Variants in PHF6 observed in about 807,000 individuals in gnomAD.
PHF6 encodes PHD finger protein 6.
PHF6 carries 7 observed loss-of-function variants against 34.0 expected under a neutral mutation model. The observed-to-expected ratio is 0.21, with a 90% CI of 0.12 to 0.39. PHF6 has a LOEUF of 0.39. Among genes scored for constraint, PHF6 ranks in the 10% least tolerant of loss-of-function variants. The pLI is 1.00. For missense variants in PHF6, 128 were observed against 262.8 expected (o/e 0.49, Z 3.55); for synonymous variants, 89 against 88.4 (o/e 1.01, Z -0.04).
intron 5 of PHF6, among the ~76,000 whole-genome samples, chrX:134,411,882 G>A (rs146978471): frequency 0.032 from 3,492 of 110,804 alleles, 147 homozygotes; most frequent in African/African-American, 0.11. Context: ...ACAGGTGTGC[G>A]CCACCACACC....
At chrX:134,414,978 A>T (rs749044060) in intron 7 of PHF6, 38 bp from the exon 8 acceptor site, 1 of 1,072,496 alleles carries the variant, frequency 9.3e-7, no homozygotes, top group Non-Finnish European at 1.3e-6. Context: ...TCTCATAAGG[A>T]TTCTGAATGT....
Position 134,413,609 on chromosome X carries a change from C to G in PHF6, c.537C>G (p.Thr179=), listed in dbSNP as rs776473521. 3.1e-5 allele frequency: 38 copies of G among 1,209,241 alleles called. No individual in the cohort carries two copies. Among genetic ancestry groups the G allele is most frequent in the Non-Finnish European group, 4.0e-5 (36 of 894,852 alleles). The change falls in exon 6 of 11, where the codon ACC becomes ACG. Residue 179 remains threonine (T), a synonymous_variant. Coordinates refer to ENST00000370803, the MANE Select transcript of PHF6 (RefSeq NM_001015877.2). The part of the protein sequence containing the change: ...KTNFKGLSED[T]RSTSSHGTDE... ...ATTTTAAAGGGCTGTCAGAAGATAC[C>G]AGGTCCACATCCTCCCATGGAACAG...
chrX:134,422,715 G>A (rs1158435315), intron 9 of PHF6, among the ~76,000 whole-genome samples: 11 of 110,932 alleles, frequency 9.9e-5, no homozygotes, highest in Admixed American at 7.7e-4. Context: ...TTTCAATATG[G>A]ATTTTTTTAA....
chrX:134,390,403 T>C (rs1165832437), intron 3 of PHF6, among the ~76,000 whole-genome samples: 2 of 112,174 alleles, frequency 1.8e-5, no homozygotes, highest in Non-Finnish European at 3.8e-5. Context: ...AAACTGACTA[T>C]AAAAATAAAG....
At chrX:134,390,047 A>T (rs1016726420) in intron 3 of PHF6, among the ~76,000 whole-genome samples, 3 of 111,795 alleles carry the variant, frequency 2.7e-5, no homozygotes, top group Non-Finnish European at 5.6e-5. Context: ...GTAAAATGAT[A>T]AGAGCCAAAA....
In PHF6 at chrX:134,394,086, A is replaced by C. The variant is rs6529627; in HGVS notation, c.418+134A>C. 0.26 allele frequency: 162,263 copies of C among 619,990 alleles called. 17,970 individuals carry two copies. The highest frequency in any genetic ancestry group is 0.62 in the East Asian group (17,251 of 27,995). 51.1% of individuals were successfully genotyped at this position (619,990 alleles called of 1,213,427 possible). ...TTCAGTACATTTAGAAGAATTGAGA[A>C]AAGTGTTAGGATAAACTAATGTGCA... On this transcript the variant is annotated intron_variant, in intron 5 of 10. Transcript: ENST00000370803.
chrX:134,387,972 ACCT>A (rs750617845), intron 3 of PHF6, among the ~76,000 whole-genome samples: 5 of 111,407 alleles, frequency 4.5e-5, no homozygotes, highest in Admixed American at 1.9e-4. Context: ...TTCTTATGAG[ACCT>A]CCTTCAAAAT....
chrX:134,393,734 A>G lies in PHF6; in HGVS notation c.374+100A>G, dbSNP rs1405267937. 19 of 865,961 alleles carry G rather than the reference A, an allele frequency of 2.2e-5. No homozygotes were observed. In the East Asian group the frequency reaches 3.1e-4, roughly 14 times the overall value. The allele number at this position is 865,961 out of a possible 1,213,427, so 71.4% of individuals were successfully genotyped here. A position where few individuals can be genotyped will look rare whatever the true frequency, so the allele number is the denominator to read the frequency against. The stretch of plus-strand genomic sequence containing the variant: ...CATTTCAAAGCATTTCATCATCATC[A>G]TAAAGGGTGTTTTTGATAAGAAATT... On this transcript the variant is annotated intron_variant, in intron 4 of 10. Transcript: ENST00000370803.
intron 9 of PHF6, among the ~76,000 whole-genome samples, chrX:134,422,666 A>G (rs1352040911): frequency 8.9e-6 from 1 of 111,783 alleles, no homozygotes; most frequent in Admixed American, 9.5e-5. Flanking sequence ...TTTTATTTAT[A>G]TTTATCCTGT....
At chrX:134,381,302 T>C (rs2077306296) in intron 3 of PHF6, among the ~76,000 whole-genome samples, 1 of 111,671 alleles carries the variant, frequency 9.0e-6, no homozygotes, top group South Asian at 3.7e-4. Context: ...TCTTTCATTA[T>C]ATCATTTTTA....
chrX:134,379,915 A>G (rs2077299126), intron 3 of PHF6, among the ~76,000 whole-genome samples: 1 of 111,788 alleles, frequency 8.9e-6, no homozygotes. Flanking sequence ...TGTAAACCTT[A>G]TTACCCCTTT....
intron 5 of PHF6, among the ~76,000 whole-genome samples, chrX:134,404,677 C>G (rs1213161881): frequency 9.0e-6 from 1 of 111,512 alleles, no homozygotes; most frequent in African/African-American, 3.3e-5. Context: ...CGGCAAACTT[C>G]AGTGTTGTCT....
At position 134,426,161 on chromosome X, in the gene PHF6, G is replaced by A. The variant is rs778237077; in HGVS notation, c.*501G>A. 23 of 157,856 alleles carry A rather than the reference G, an allele frequency of 1.5e-4. No homozygotes were observed. Among genetic ancestry groups the A allele is most frequent in the Non-Finnish European group, 2.6e-4 (21 of 81,037 alleles). The allele number at this position is 157,856 out of a possible 1,213,427, so 13.0% of individuals were successfully genotyped here. Reference sequence around the variant, plus strand: ...CCTTCTTTTTCTCTTGACTTTGACAGCACATGCTAAAAATCTCTTCCAAGA... The same window carrying A: ...CCTTCTTTTTCTCTTGACTTTGACAACACATGCTAAAAATCTCTTCCAAGA... On this transcript the variant is annotated 3_prime_UTR_variant, in exon 11 of 11. Transcript: ENST00000370803.
chrX:134,393,967 C>G lies in PHF6; in HGVS notation c.418+15C>G. On this transcript the variant is annotated intron_variant, in intron 5 of 10. Coordinates refer to ENST00000370803, the MANE Select transcript of PHF6 (RefSeq NM_001015877.2). ...TAACTCCGAAGGTACATCATTTAGCCACGTTTCAGCCACTTTTCAGTTTCA... is the reference window on the plus strand; with the variant it reads ...TAACTCCGAAGGTACATCATTTAGCGACGTTTCAGCCACTTTTCAGTTTCA... 8.3e-7 allele frequency: 1 copy of G among 1,205,090 alleles called. No individual in the cohort carries two copies. Among genetic ancestry groups the G allele is most frequent in the Non-Finnish European group, 1.1e-6 (1 of 889,800 alleles).
chrX:134,419,582 CTTATTTA>C (rs1052343205), intron 9 of PHF6: 1 of 111,122 alleles, frequency 9.0e-6, no homozygotes, highest in Non-Finnish European at 1.9e-5. Flanking sequence ...CAGCAAATAA[CTTATTTA>C]TTATTAAAGT....
At chrX:134,394,914 A>G (rs6638220) in intron 5 of PHF6, among the ~76,000 whole-genome samples, 31,247 of 104,309 alleles carry the variant, frequency 0.3, 4,298 homozygotes, top group East Asian at 0.65. Context: ...GTGCAGTGGC[A>G]CAATCTCGGC....
intron 8 of PHF6, chrX:134,415,370 G>T: frequency 2.4e-6 from 1 of 423,133 alleles, no homozygotes; most frequent in Non-Finnish European, 4.0e-6. Context: ...GCATTTGCAA[G>T]CCGTTTAATA....
chrX:134,379,490 T>C (rs2077296436), intron 3 of PHF6, among the ~76,000 whole-genome samples: 1 of 92,982 alleles, frequency 1.1e-5, no homozygotes, highest in South Asian at 6.3e-4. Flanking sequence ...TTGCCCAGGC[T>C]GGAGTGCAGT....
intron 9 of PHF6, among the ~76,000 whole-genome samples, chrX:134,420,479 T>G (rs1412951118): frequency 1.8e-5 from 2 of 109,695 alleles, no homozygotes; most frequent in Admixed American, 1.9e-4. Context: ...AAAAAACAAT[T>G]CCAGTAATAA....
Sources: allele counts gnomAD v4.1 joint callset (sites outside exome capture counted in the v4.1 genomes callset), GRCh38; gene constraint gnomAD v4.1.1; transcripts MANE v1.5; gene names NCBI Gene and HGNC (gene_info 2026-07-23, HGNC 2026-07-21).